The following FER variants were observed in gnomAD, a reference collection of about 807,000 sequenced individuals.
FER encodes the protein FER tyrosine kinase.
Under a neutral mutation model 111.0 loss-of-function variants are expected in FER, and 63 were observed. The observed-to-expected ratio is 0.57, with a 90% CI of 0.46 to 0.70. The LOEUF (loss-of-function observed/expected upper bound fraction) is 0.70, where lower values mean the gene tolerates loss of function less well. Ranked by LOEUF, FER falls within the 30% of genes least tolerant of loss-of-function variation. FER has a pLI of 0.00. For missense variants in FER, 914 were observed against 954.0 expected (o/e 0.96, Z 0.55); for synonymous variants, 327 against 313.9 (o/e 1.04, Z -0.44).
intron 9 of FER, among the ~76,000 whole-genome samples, chr5:108,885,278 A>T (rs766434874): frequency 4.0e-5 from 6 of 151,744 alleles, no homozygotes; most frequent in Non-Finnish European, 7.4e-5. Context: ...ACCCAACCAA[A>T]CTCAACCTAA....
At chr5:108,985,611 C>G (rs1162955763) in intron 13 of FER, among the ~76,000 whole-genome samples, 2 of 152,106 alleles carry the variant, frequency 1.3e-5, no homozygotes, top group Non-Finnish European at 2.9e-5. Context: ...CCACGAGTCC[C>G]CAAAGTCCAT....
chr5:108,757,900 G>A (rs1751296263), intron 1 of FER, among the ~76,000 whole-genome samples: 2 of 152,098 alleles, frequency 1.3e-5, no homozygotes, highest in Non-Finnish European at 1.5e-5. Context: ...CCTGTTTTAA[G>A]TTTCTGATTT....
chr5:109,180,818 G>A lies in FER; in HGVS notation c.2120G>A (p.Arg707His), dbSNP rs151332661. 56 of 1,613,476 alleles carry A rather than the reference G, an allele frequency of 3.5e-5. 1 individual carries two copies. The highest frequency in any genetic ancestry group is 5.5e-5 in the South Asian group (5 of 91,014). The change falls in exon 18 of 20, where the codon CGT (arginine) becomes CAT (histidine). Residue 707 changes from arginine (R) to histidine (H), a missense_variant. By Grantham distance (29) the Arg-to-His change is conservative. Transcript: ENST00000281092. Reference sequence around the variant, plus strand: ...AAAATCAGTGACTTTGGAATGTCTCGTCAAGAGGATGGTGGAGTGTATTCA... The same window carrying A: ...AAAATCAGTGACTTTGGAATGTCTCATCAAGAGGATGGTGGAGTGTATTCA... ...VLKISDFGMS[R>H]QEDGGVYSSS...
chr5:109,136,280 T>G (rs550050926), intron 17 of FER, among the ~76,000 whole-genome samples: 9 of 151,402 alleles, frequency 5.9e-5, no homozygotes, highest in Non-Finnish European at 8.8e-5. Context: ...GTGACAGAAC[T>G]AGACCCCGTC....
chr5:108,961,271 A>C lies in FER; in HGVS notation c.1656+1924A>C, dbSNP rs139788955. 3.3e-5 allele frequency among the ~76,000 whole-genome samples: 5 copies of C among 152,330 alleles called. No individual in the cohort carries two copies. In the East Asian group the frequency reaches 9.6e-4, roughly 29 times the overall value. Reference sequence around the variant, plus strand: ...TTTCACAAGTCAACCAAATGTTTGCATTGTCTACAGGCTTAGCCAGGTCTA... The same window carrying C: ...TTTCACAAGTCAACCAAATGTTTGCCTTGTCTACAGGCTTAGCCAGGTCTA... On this transcript the variant is annotated intron_variant, in intron 13 of 19. Coordinates refer to ENST00000281092, the MANE Select transcript of FER (RefSeq NM_005246.4).
chr5:109,113,767 T>G (rs539788907), intron 17 of FER, among the ~76,000 whole-genome samples: 1 of 152,260 alleles, frequency 6.6e-6, no homozygotes, highest in South Asian at 2.1e-4. Flanking sequence ...AAATCTTAAC[T>G]TTTTGCAGCA....
At chr5:109,090,705 T>C (rs768418855) in intron 16 of FER, among the ~76,000 whole-genome samples, 7 of 152,108 alleles carry the variant, frequency 4.6e-5, no homozygotes, top group Admixed American at 2.0e-4. Context: ...TAGTAAAATT[T>C]AGTAGTGGAA....
At chr5:109,004,737 T>C (rs1404559765) in intron 13 of FER, among the ~76,000 whole-genome samples, 3 of 152,162 alleles carry the variant, frequency 2.0e-5, no homozygotes, top group Admixed American at 6.5e-5. Context: ...ACTACTGTTA[T>C]AGTAACAAAA....
rs1050322641 is a variant in FER, at chr5:109,190,311, G to C, written c.*2736G>C. 19 of 152,002 alleles carry C rather than the reference G, an allele frequency of 1.2e-4. No individual in the cohort carries two copies. The highest frequency in any genetic ancestry group is 4.6e-4 in the African/African-American group (19 of 41,394). The allele number at this position is 152,002 out of a possible 1,614,324, so 9.4% of individuals were successfully genotyped here. A position where few individuals can be genotyped will look rare whatever the true frequency, so the allele number is the denominator to read the frequency against. The stretch of plus-strand genomic sequence containing the variant: ...TTGTAACCAAAATTTCTTCTGGTCC[G>C]GATGTAATTAGTCCAGTCACAAATC... On this transcript the variant is annotated 3_prime_UTR_variant, in exon 20 of 20. Transcript: ENST00000281092.
intron 13 of FER, among the ~76,000 whole-genome samples, chr5:109,012,167 G>T (rs879707520): frequency 7.9e-5 from 12 of 152,184 alleles, no homozygotes; most frequent in Non-Finnish European, 1.5e-4. Context: ...CTTCTTGGAG[G>T]TAGACTGTGT....
At chr5:108,865,535 A>T (rs146622224) in intron 5 of FER, among the ~76,000 whole-genome samples, 2,020 of 152,310 alleles carry the variant, frequency 0.013, 22 homozygotes, top group Middle Eastern at 0.041. Flanking sequence ...TAAGGACTTC[A>T]TGTCTAAAAC....
At chr5:108,765,401 T>C (rs1486218207) in intron 1 of FER, among the ~76,000 whole-genome samples, 2 of 152,202 alleles carry the variant, frequency 1.3e-5, no homozygotes, top group African/African-American at 4.8e-5. Flanking sequence ...ACATGGGTCC[T>C]GTGACTAGCT....
chr5:108,989,762 A>T (rs1406490213), intron 13 of FER, among the ~76,000 whole-genome samples: 1 of 152,012 alleles, frequency 6.6e-6, no homozygotes, highest in Admixed American at 6.6e-5. Flanking sequence ...TAAAATAGTC[A>T]TTATTTTAGT....
chr5:108,759,101 C>G (rs1751432641), intron 1 of FER, among the ~76,000 whole-genome samples: 1 of 152,182 alleles, frequency 6.6e-6, no homozygotes, highest in African/African-American at 2.4e-5. Flanking sequence ...TAGCAACTTG[C>G]AGTTGACCAG....
chr5:108,835,723 T>C lies in FER; in HGVS notation c.397T>C (p.Leu133=). Reference sequence around the variant, plus strand: ...TCTTTGACAGGTTACCAAAACAGAATTGGAGAAGTTAAAATGCAGCTATAG... The same window carrying C: ...TCTTTGACAGGTTACCAAAACAGAACTGGAGAAGTTAAAATGCAGCTATAG... ...AEMIKVTKTE[L]EKLKCSYRQL... The change falls in exon 5 of 20, where the codon TTG becomes CTG. Residue 133 remains leucine (L), a synonymous_variant. Transcript: ENST00000281092. 26 of 1,565,554 alleles carry C rather than the reference T, an allele frequency of 1.7e-5. No homozygotes were observed. The highest frequency in any genetic ancestry group is 2.2e-5 in the Non-Finnish European group (25 of 1,161,516).
At chr5:109,076,714 A>G (rs1451162600) in intron 16 of FER, among the ~76,000 whole-genome samples, 1 of 152,208 alleles carries the variant, frequency 6.6e-6, no homozygotes. Flanking sequence ...TTGGGATTAC[A>G]GATGTGAGAC....
chr5:109,079,513 T>A (rs935726334), intron 16 of FER, among the ~76,000 whole-genome samples: 1 of 152,184 alleles, frequency 6.6e-6, no homozygotes, highest in African/African-American at 2.4e-5. Context: ...ACTGAGTGAA[T>A]GAATTATAAA....
At chr5:108,873,627 T>C (rs1374393129) in intron 8 of FER, among the ~76,000 whole-genome samples, 1 of 152,188 alleles carries the variant, frequency 6.6e-6, no homozygotes, top group East Asian at 1.9e-4. Flanking sequence ...TTGGGATTTT[T>C]GAAGCTGTTC....
At chr5:108,894,181 T>C (rs1185314326) in intron 9 of FER, among the ~76,000 whole-genome samples, 4 of 152,102 alleles carry the variant, frequency 2.6e-5, no homozygotes, top group Non-Finnish European at 4.4e-5. Context: ...AGAGGATAGC[T>C]GTTCTCTATT....
Sources: gnomAD v4.1 joint callset for allele counts (sites outside exome capture counted in the v4.1 genomes callset) on GRCh38, gnomAD v4.1.1 for gene constraint, MANE v1.5 for transcripts, NCBI Gene and HGNC (gene_info 2026-07-23, HGNC 2026-07-21) for gene names.